ZFHX3: variants seen among roughly 807,000 people sequenced by gnomAD.
ZFHX3 encodes the protein zinc finger homeobox 3.
In ZFHX3, 42 loss-of-function variants were observed where a neutral mutation model predicts 279.1. The ratio of observed to expected loss-of-function variants is 0.15; its 90% CI spans 0.12 to 0.19. The LOEUF (loss-of-function observed/expected upper bound fraction) is 0.19. Among genes scored for constraint, ZFHX3 ranks in the 10% least tolerant of loss-of-function variants. ZFHX3 has a pLI of 1.00. For missense variants in ZFHX3, 4,981 were observed against 4,754.0 expected (o/e 1.05, Z -1.40); for synonymous variants, 2,293 against 1,957.8 (o/e 1.17, Z -4.52).
At chr16:73,133,719 G>A (rs750970006) in intron 6 of ZFHX3, among the ~76,000 whole-genome samples, 21 of 152,242 alleles carry the variant, frequency 1.4e-4, no homozygotes, top group Non-Finnish European at 2.6e-4. Flanking sequence ...CTAATTTGTG[G>A]TACTTTCTTT....
At chr16:72,908,828 ACTTTGT>A (rs2039250371) in intron 3 of ZFHX3, among the ~76,000 whole-genome samples, 1 of 152,192 alleles carries the variant, frequency 6.6e-6, no homozygotes, top group South Asian at 2.1e-4. Context: ...ACTGGGAAAC[ACTTTGT>A]CTTTGTAAAG....
intron 4 of ZFHX3, among the ~76,000 whole-genome samples, chr16:73,313,585 G>A (rs967078145): frequency 6.6e-6 from 1 of 152,104 alleles, no homozygotes; most frequent in African/African-American, 2.4e-5. Context: ...GCTAATGAGC[G>A]ATACACCTGG....
intron 1 of ZFHX3, among the ~76,000 whole-genome samples, chr16:73,763,990 C>A (rs2053900001): frequency 6.6e-6 from 1 of 152,164 alleles, no homozygotes; most frequent in African/African-American, 2.4e-5. Flanking sequence ...CACAGCCCAA[C>A]CAACACCTTG....
At chr16:72,919,643 C>T (rs941634486) in intron 3 of ZFHX3, among the ~76,000 whole-genome samples, 7 of 151,866 alleles carry the variant, frequency 4.6e-5, no homozygotes, top group African/African-American at 1.5e-4. Flanking sequence ...TACCAATATC[C>T]ATCTTGATAT....
At chr16:73,338,006 C>A (rs1464357703) in intron 3 of ZFHX3, among the ~76,000 whole-genome samples, 1 of 151,602 alleles carries the variant, frequency 6.6e-6, no homozygotes, top group African/African-American at 2.4e-5. Flanking sequence ...CTCGTGCATA[C>A]TCTCAGCCTC....
At chr16:73,209,852 T>A (rs962183246) in intron 5 of ZFHX3, among the ~76,000 whole-genome samples, 2 of 152,182 alleles carry the variant, frequency 1.3e-5, no homozygotes, top group Non-Finnish European at 2.9e-5. Flanking sequence ...TTGTATTGAC[T>A]TCAGAGACCA....
chr16:73,739,702 T>C (rs2053638064), intron 1 of ZFHX3, among the ~76,000 whole-genome samples: 2 of 152,164 alleles, frequency 1.3e-5, no homozygotes, highest in Non-Finnish European at 2.9e-5. Flanking sequence ...GTGACACAGT[T>C]ACCCCAGTTA....
At chr16:73,687,988 C>T (rs538876369) in intron 1 of ZFHX3, among the ~76,000 whole-genome samples, 2 of 151,240 alleles carry the variant, frequency 1.3e-5, no homozygotes, top group East Asian at 3.9e-4. Context: ...CGCAAATTCA[C>T]TATAGAGCAG....
intron 3 of ZFHX3, among the ~76,000 whole-genome samples, chr16:72,931,729 T>A (rs1024797176): frequency 6.6e-6 from 1 of 152,138 alleles, no homozygotes; most frequent in African/African-American, 2.4e-5. Flanking sequence ...AGGACACTGA[T>A]GTGAACATTA....
chr16:73,537,171 A>T (rs2019916817), intron 2 of ZFHX3, among the ~76,000 whole-genome samples: 1 of 152,148 alleles, frequency 6.6e-6, no homozygotes, highest in Non-Finnish European at 1.5e-5. Context: ...CTTTGGGCTG[A>T]TGCTTATCTT....
intron 2 of ZFHX3, among the ~76,000 whole-genome samples, chr16:73,632,516 T>G (rs1726797922): frequency 6.6e-6 from 1 of 151,034 alleles, no homozygotes; most frequent in East Asian, 2.0e-4. Context: ...TGAAACCCCA[T>G]CTCTACTAAA....
chr16:73,768,112 G>A (rs1479627132), intron 1 of ZFHX3, among the ~76,000 whole-genome samples: 2 of 152,120 alleles, frequency 1.3e-5, no homozygotes, highest in African/African-American at 4.8e-5. Context: ...GCCACTTACT[G>A]TGGAATAAAC....
chr16:73,779,882 C>T (rs1376448651), intron 1 of ZFHX3, among the ~76,000 whole-genome samples: 1 of 151,904 alleles, frequency 6.6e-6, no homozygotes, highest in African/African-American at 2.4e-5. Context: ...CAACACCCAG[C>T]TAATTTTTGT....
intron 1 of ZFHX3, among the ~76,000 whole-genome samples, chr16:73,705,982 G>A (rs1487295089): frequency 6.6e-6 from 1 of 152,074 alleles, no homozygotes; most frequent in African/African-American, 2.4e-5. Flanking sequence ...AGCTTCTCGT[G>A]TCCTCTGCCT....
At chr16:73,425,920 T>C (rs918663) in intron 3 of ZFHX3, among the ~76,000 whole-genome samples, 22,803 of 146,000 alleles carry the variant, frequency 0.16, 2,316 homozygotes, top group Middle Eastern at 0.28. Flanking sequence ...GAAAGAAAAA[T>C]AAAGCCTACT....
intron 2 of ZFHX3, among the ~76,000 whole-genome samples, chr16:73,607,410 A>G (rs1381526854): frequency 6.6e-6 from 1 of 152,218 alleles, no homozygotes; most frequent in Non-Finnish European, 1.5e-5. Context: ...ATCACTGGGT[A>G]TATATACCCA....
At chr16:73,637,347 T>A (rs551350087) in intron 2 of ZFHX3, among the ~76,000 whole-genome samples, 3 of 150,446 alleles carry the variant, frequency 2.0e-5, no homozygotes, top group African/African-American at 7.3e-5. Context: ...TTCTCCTGCC[T>A]CAGCCTCCTG....
At chr16:72,972,957 G>A (rs982923583) in intron 1 of ZFHX3, among the ~76,000 whole-genome samples, 2 of 152,058 alleles carry the variant, frequency 1.3e-5, no homozygotes, top group Admixed American at 6.6e-5. Flanking sequence ...GTATTTAAGC[G>A]TCATTGTACT....
chr16:73,316,736 C>T (rs76669282), intron 4 of ZFHX3, among the ~76,000 whole-genome samples: 1,701 of 152,242 alleles, frequency 0.011, 42 homozygotes, highest in African/African-American at 0.038. Flanking sequence ...TACTTCCAAA[C>T]GGTTGCTATA....
Sources: allele counts gnomAD v4.1 joint callset (sites outside exome capture counted in the v4.1 genomes callset), GRCh38; gene constraint gnomAD v4.1.1; transcripts MANE v1.5; gene names NCBI Gene and HGNC (gene_info 2026-07-23, HGNC 2026-07-21).